LRRTM3: variants seen among roughly 807,000 people sequenced by gnomAD.
The protein encoded by LRRTM3 is leucine rich repeat transmembrane neuronal 3.
In LRRTM3, 24 loss-of-function variants were observed where a neutral mutation model predicts 44.7. That is an observed-to-expected ratio of 0.54 (90% CI 0.39 to 0.76). The LOEUF (loss-of-function observed/expected upper bound fraction) is 0.76. LRRTM3 is among the 30% of genes least tolerant of loss of function. LRRTM3 has a pLI of 0.00. For missense variants in LRRTM3, 587 were observed against 702.2 expected, an observed-to-expected ratio of 0.84 and a Z score of 1.85; for synonymous variants, 277 against 278.7, an observed-to-expected ratio of 0.99 and a Z score of 0.06.
At chr10:66,935,659 G>A (rs1250634371) in intron 2 of LRRTM3, among the ~76,000 whole-genome samples, 1 of 151,894 alleles carries the variant, frequency 6.6e-6, no homozygotes, top group African/African-American at 2.4e-5. Flanking sequence ...CCTATTAGGT[G>A]AATATTTTTC....
At chr10:67,012,110 G>A (rs1243804118) in intron 2 of LRRTM3, among the ~76,000 whole-genome samples, 1 of 152,184 alleles carries the variant, frequency 6.6e-6, no homozygotes, top group Non-Finnish European at 1.5e-5. Flanking sequence ...ACTCTCTCTG[G>A]CTCTGGAGTC....
intron 2 of LRRTM3, among the ~76,000 whole-genome samples, chr10:67,018,358 T>C (rs1281530869): frequency 2.0e-5 from 3 of 152,224 alleles, no homozygotes; most frequent in African/African-American, 7.2e-5. Context: ...ACCCAACTTT[T>C]TAAAGGCAAC....
At chr10:66,979,652 T>C (rs190869472) in intron 2 of LRRTM3, among the ~76,000 whole-genome samples, 34 of 152,248 alleles carry the variant, frequency 2.2e-4, no homozygotes, top group Non-Finnish European at 4.3e-4. Flanking sequence ...ACTTAGAACA[T>C]AGATGTTTGT....
chr10:67,066,636 C>T (rs1449037976), intron 2 of LRRTM3, among the ~76,000 whole-genome samples: 1 of 112,908 alleles, frequency 8.9e-6, no homozygotes, highest in Non-Finnish European at 1.9e-5. Flanking sequence ...CCCCACATCA[C>T]TAAATAATAA....
chr10:66,945,225 T>C (rs1848216500), intron 2 of LRRTM3, among the ~76,000 whole-genome samples: 2 of 152,246 alleles, frequency 1.3e-5, no homozygotes, highest in African/African-American at 4.8e-5. Context: ...TTCTGTTGTA[T>C]AGTGTAACCA....
chr10:66,977,434 CA>C (rs11368044), intron 2 of LRRTM3, among the ~76,000 whole-genome samples: 101,193 of 145,058 alleles, frequency 0.7, 35,156 homozygotes, highest in East Asian at 0.96. Flanking sequence ...AACTCTGTCT[CA>C]AAAAAAAAAA....
Position 66,992,655 on chromosome 10 carries a change from T to A in LRRTM3, c.1536+64203T>A, listed in dbSNP as rs567793260. 4.6e-4 allele frequency among the ~76,000 whole-genome samples: 70 copies of A among 152,306 alleles called. 1 individual carries two copies. Among genetic ancestry groups the A allele is most frequent in the African/African-American group, 1.5e-3 (64 of 41,598 alleles). ...ATCCCAGGGTTATAGAACTATTTTC[T>A]TAAATGTTCTTATCACAGTTTTAAC... On this transcript the variant is annotated intron_variant, in intron 2 of 2. Transcript: ENST00000361320.
intron 2 of LRRTM3, among the ~76,000 whole-genome samples, chr10:67,051,082 C>G (rs927019006): frequency 6.6e-6 from 1 of 152,142 alleles, no homozygotes; most frequent in Non-Finnish European, 1.5e-5. Flanking sequence ...TTTACAGATA[C>G]AAATTAACCA....
chr10:66,991,439 T>C (rs1372125192), intron 2 of LRRTM3, among the ~76,000 whole-genome samples: 1 of 152,182 alleles, frequency 6.6e-6, no homozygotes, highest in African/African-American at 2.4e-5. Context: ...AACACCATCA[T>C]GTTTTATCTC....
At position 67,087,059 on chromosome 10, in the gene LRRTM3, G is replaced by T. The variant is rs373049698; in HGVS notation, c.1537-10528G>T. On this transcript the variant is annotated intron_variant, in intron 2 of 2. Coordinates refer to ENST00000361320, the MANE Select transcript of LRRTM3 (RefSeq NM_178011.5). Reference sequence around the variant, plus strand: ...TTGGAAACACAGCACCAAGATTAGAGAGGCTTTTGAGCCATAGTTTCAATT... The same window carrying T: ...TTGGAAACACAGCACCAAGATTAGATAGGCTTTTGAGCCATAGTTTCAATT... 1.3e-4 allele frequency among the ~76,000 whole-genome samples: 20 copies of T among 152,174 alleles called. No homozygotes were observed. In the South Asian group the frequency reaches 3.3e-3, roughly 25 times the overall value.
chr10:67,089,444 A>G (rs866059453), intron 2 of LRRTM3, among the ~76,000 whole-genome samples: 1 of 152,034 alleles, frequency 6.6e-6, no homozygotes, highest in Non-Finnish European at 1.5e-5. Flanking sequence ...TTGTACTCAC[A>G]CCAATTAACC....
chr10:67,040,354 T>G (rs969786234), intron 2 of LRRTM3, among the ~76,000 whole-genome samples: 5 of 152,070 alleles, frequency 3.3e-5, no homozygotes, highest in African/African-American at 1.2e-4. Flanking sequence ...ACAACCTCAG[T>G]AGTAACTAGG....
At chr10:67,087,185 T>C (rs1857355484) in intron 2 of LRRTM3, among the ~76,000 whole-genome samples, 1 of 152,008 alleles carries the variant, frequency 6.6e-6, no homozygotes, top group South Asian at 2.1e-4. Context: ...GCATTTTGCT[T>C]TGCCTCAGTT....
intron 2 of LRRTM3, among the ~76,000 whole-genome samples, chr10:67,094,838 T>C (rs1004135495): frequency 4.0e-5 from 6 of 151,744 alleles, no homozygotes; most frequent in Non-Finnish European, 8.9e-5. Context: ...CACATGTGCA[T>C]ACATATACCA....
intron 2 of LRRTM3, among the ~76,000 whole-genome samples, chr10:67,093,141 A>G (rs906237893): frequency 2.0e-5 from 3 of 147,868 alleles, no homozygotes; most frequent in Admixed American, 1.3e-4. Flanking sequence ...TCTCAGAAAG[A>G]TATGACAAGA....
chr10:67,038,446 A>G (rs1030714952), intron 2 of LRRTM3, among the ~76,000 whole-genome samples: 3 of 152,098 alleles, frequency 2.0e-5, no homozygotes, highest in Non-Finnish European at 4.4e-5. Context: ...ATATATGTCC[A>G]TTAATTAGAA....
At chr10:66,987,619 G>T (rs1002163495) in intron 2 of LRRTM3, among the ~76,000 whole-genome samples, 3 of 152,154 alleles carry the variant, frequency 2.0e-5, no homozygotes, top group Non-Finnish European at 4.4e-5. Flanking sequence ...AATCATTGAG[G>T]AAATGTCTTG....
chr10:66,974,899 CA>C (rs1340522487), intron 2 of LRRTM3, among the ~76,000 whole-genome samples: 2 of 150,472 alleles, frequency 1.3e-5, no homozygotes, highest in African/African-American at 4.9e-5. Context: ...CTTAATAATA[CA>C]TTTTTTTTAA....
chr10:67,009,608 A>G, intron 2 of LRRTM3, among the ~76,000 whole-genome samples: 1 of 151,532 alleles, frequency 6.6e-6, no homozygotes, highest in East Asian at 1.9e-4. Context: ...CTAATCTTCC[A>G]ATGTTTTTTG....
Sources: allele counts gnomAD v4.1 joint callset (sites outside exome capture counted in the v4.1 genomes callset), GRCh38; gene constraint gnomAD v4.1.1; transcripts MANE v1.5; gene names NCBI Gene and HGNC (gene_info 2026-07-23, HGNC 2026-07-21).